The following SPRYD7 variants were observed in gnomAD, a reference collection of about 807,000 sequenced individuals.
SPRYD7 encodes SPRY domain containing 7, also known as SPRY domain-containing protein 7.
Under a neutral mutation model 23.8 loss-of-function variants are expected in SPRYD7, and 14 were observed. That is an observed-to-expected ratio of 0.59 (90% CI 0.39 to 0.92). The LOEUF is 0.92. Among genes scored for constraint, SPRYD7 ranks in the 40% least tolerant of loss-of-function variants. The probability of loss-of-function intolerance (pLI) is 0.00; values close to 1 mark genes in which losing one functional copy is unlikely to be tolerated. For synonymous variants in SPRYD7, 75 were observed against 84.9 expected, an observed-to-expected ratio of 0.88 and a Z score of 0.64; for missense variants, 194 against 241.7, an observed-to-expected ratio of 0.80 and a Z score of 1.31.
chr13:49,924,239 G>A (rs1164237275), intron 3 of SPRYD7, among the ~76,000 whole-genome samples: 3 of 151,696 alleles, frequency 2.0e-5, no homozygotes, highest in East Asian at 1.9e-4. Context: ...TGCCCACCTC[G>A]GCCTCCCAAA....
intron 3 of SPRYD7, among the ~76,000 whole-genome samples, chr13:49,924,998 AATAATAAT>A (rs1566404660): frequency 2.4e-5 from 2 of 82,294 alleles, no homozygotes; most frequent in African/African-American, 1.0e-4. Context: ...ATAAATAAAT[AATAATAAT>A]AATAATAATA....
At chr13:49,936,062 GA>G in intron 1 of SPRYD7, 67 bp downstream of exon 1, 1 of 1,173,760 alleles carries the variant, frequency 8.5e-7, no homozygotes, top group Admixed American at 2.8e-5. Flanking sequence ...CTCTGACCCT[GA>G]AGGTCCCCCT....
At chr13:49,920,423 A>G (rs1955805242) in intron 4 of SPRYD7, among the ~76,000 whole-genome samples, 1 of 152,214 alleles carries the variant, frequency 6.6e-6, no homozygotes, top group Non-Finnish European at 1.5e-5. Flanking sequence ...AATATTATTT[A>G]TAATTATGTT....
intron 1 of SPRYD7, chr13:49,935,803 C>T (rs1871598587): frequency 9.3e-6 from 2 of 213,946 alleles, no homozygotes; most frequent in South Asian, 2.9e-4. Flanking sequence ...TAGGTTTTCA[C>T]TGGGGCGCGC....
Position 49,934,051 on chromosome 13 carries a change from T to TA in SPRYD7, c.106+2078dup, listed in dbSNP as rs529014208. ...ACTTGAAGTATACAGACAATTTTGT[T>TA]AAAAAAAAAAAAGCAATCACATTTT... On this transcript the variant is annotated intron_variant, in intron 1 of 4. Transcript: ENST00000361840. 4.6e-4 allele frequency among the ~76,000 whole-genome samples: 66 copies of TA among 143,134 alleles called. No individual in the cohort carries two copies. In the Middle Eastern group the frequency reaches 0.011, roughly 24 times the overall value. The allele number at this position is 143,134 out of a possible 152,430, so 93.9% of individuals were successfully genotyped here.
intron 4 of SPRYD7, among the ~76,000 whole-genome samples, chr13:49,915,376 G>A (rs554020225): frequency 6.6e-6 from 1 of 152,096 alleles, no homozygotes; most frequent in African/African-American, 2.4e-5. Flanking sequence ...ACATTGGAAG[G>A]ATATATATAA....
chr13:49,935,936 G>A (rs998021128), intron 1 of SPRYD7, among the ~76,000 whole-genome samples, 194 bp downstream of exon 1: 1 of 152,138 alleles, frequency 6.6e-6, no homozygotes, highest in Non-Finnish European at 1.5e-5. Context: ...AGAGAGGGCT[G>A]CGCAGCCTTG....
At position 49,914,152 on chromosome 13, in the gene SPRYD7, C is replaced by G. The variant is rs1955726119; in HGVS notation, c.*911G>C. ...CTAAAGGACAGTGATTCTTAAGAAC[C>G]AGGCAAAGACTCAGGGTCATGAAGA... On this transcript the variant is annotated 3_prime_UTR_variant, in exon 5 of 5. Transcript: ENST00000361840. 6.5e-6 allele frequency: 1 copy of G among 153,714 alleles called. No homozygotes were observed. Among genetic ancestry groups the G allele is most frequent in the Non-Finnish European group, 1.5e-5 (1 of 68,034 alleles). The allele number at this position is 153,714 out of a possible 1,614,324, so 9.5% of individuals were successfully genotyped here.
chr13:49,925,534 G>A (rs531789219), intron 3 of SPRYD7, among the ~76,000 whole-genome samples: 5 of 152,150 alleles, frequency 3.3e-5, no homozygotes, highest in South Asian at 2.1e-4. Context: ...AAAGTAGGCC[G>A]GGCACGGTGG....
At chr13:49,927,853 G>A in intron 3 of SPRYD7, 66 bp downstream of exon 3, 4 of 1,540,518 alleles carry the variant, frequency 2.6e-6, no homozygotes, top group Non-Finnish European at 3.6e-6. Context: ...AGACAAAGCT[G>A]TAGATACTAA....
intron 3 of SPRYD7, among the ~76,000 whole-genome samples, chr13:49,925,558 TC>T (rs1201623179): frequency 7.2e-5 from 11 of 152,088 alleles, no homozygotes; most frequent in Non-Finnish European, 1.5e-5. Context: ...ACGCCTGTAA[TC>T]CCAGCACTTT....
chr13:49,927,865 A>G, intron 3 of SPRYD7, 54 bp downstream of exon 3: 1 of 1,581,414 alleles, frequency 6.3e-7, no homozygotes, highest in Non-Finnish European at 8.7e-7. Flanking sequence ...AGATACTAAA[A>G]GCAGTTCAAA....
intron 1 of SPRYD7, among the ~76,000 whole-genome samples, chr13:49,933,621 A>T (rs548022758): frequency 1.3e-5 from 2 of 152,058 alleles, no homozygotes; most frequent in South Asian, 4.2e-4. Flanking sequence ...AAAAAGAAAA[A>T]AAAAGAAAGA....
chr13:49,928,823 C>G (rs181123779), intron 2 of SPRYD7, among the ~76,000 whole-genome samples: 2 of 152,106 alleles, frequency 1.3e-5, no homozygotes, highest in Non-Finnish European at 2.9e-5. Flanking sequence ...ATTTAAATGG[C>G]CTGGAGTTCA....
At position 49,928,146 on chromosome 13, in the gene SPRYD7, T is replaced by C. The variant is rs1010416441; in HGVS notation, c.224-61A>G. On this transcript the variant is annotated intron_variant, in intron 2 of 4. Transcript: ENST00000361840. ...GAAGACTACAACCATCGAGTTATTT[T>C]AAAAGGGAGTATAAACTTTTTAAAG... 2.0e-5 allele frequency: 29 copies of C among 1,447,426 alleles called. No individual in the cohort carries two copies. The African/African-American group carries it at 3.7e-4, about 18-fold the overall frequency. 89.7% of individuals were successfully genotyped at this position (1,447,426 alleles called of 1,614,324 possible).
At chr13:49,920,612 A>G (rs940840375) in intron 4 of SPRYD7, among the ~76,000 whole-genome samples, 1 of 152,196 alleles carries the variant, frequency 6.6e-6, no homozygotes, top group Non-Finnish European at 1.5e-5. Context: ...AACAGAAACT[A>G]TCCTTAATCC....
chr13:49,925,485 A>T (rs769486633), intron 3 of SPRYD7, among the ~76,000 whole-genome samples: 11 of 152,112 alleles, frequency 7.2e-5, no homozygotes, highest in Non-Finnish European at 1.2e-4. Flanking sequence ...TGCATGTTAG[A>T]ATGAAATTTG....
chr13:49,930,965 C>G, intron 2 of SPRYD7, 53 bp downstream of exon 2: 5 of 1,132,692 alleles, frequency 4.4e-6, no homozygotes, highest in Non-Finnish European at 6.4e-6. Flanking sequence ...ACAAATTACT[C>G]TTAATATTTA....
Position 49,931,065 on chromosome 13 carries a change from G to T in SPRYD7, c.176C>A (p.Pro59His). The change falls in exon 2 of 5, where the codon CCT (proline) becomes CAT (histidine). Residue 59 changes from proline (P) to histidine (H), a missense_variant. By Grantham distance (77) the Pro-to-His change is moderately conservative. Coordinates refer to ENST00000361840, the MANE Select transcript of SPRYD7 (RefSeq NM_020456.4). The part of the protein sequence containing the change: ...CGTGGCLASA[P>H]LHQNKSYFEF... ...AAAATAGCTTTTGTTTTGATGTAAA[G>T]GTGCGCTGGCTAAACAACCTCCTGT... The T allele has an allele frequency of 6.2e-7, 1 of 1,613,444 alleles. No homozygotes were observed.
Sources: gnomAD v4.1 joint callset for allele counts (sites outside exome capture counted in the v4.1 genomes callset) on GRCh38, gnomAD v4.1.1 for gene constraint, MANE v1.5 for transcripts, NCBI Gene and HGNC (gene_info 2026-07-23, HGNC 2026-07-21) for gene names.